Variants in CDH12 observed in about 807,000 individuals in gnomAD.
CDH12 encodes the protein cadherin-12.
In CDH12, 41 loss-of-function variants were observed where a neutral mutation model predicts 74.1. The observed-to-expected ratio is 0.55, with a 90% CI of 0.43 to 0.72. CDH12 has a LOEUF of 0.72. Ranked by LOEUF, CDH12 falls within the 30% of genes least tolerant of loss-of-function variation. The probability of loss-of-function intolerance (pLI) is 0.00; values close to 1 mark genes in which losing one functional copy is unlikely to be tolerated. For synonymous variants in CDH12, 399 were observed against 355.0 expected (o/e 1.12, Z -1.39); for missense variants, 945 against 977.2 (o/e 0.97, Z 0.44).
chr5:22,123,199 G>C (rs373311641), intron 4 of CDH12, among the ~76,000 whole-genome samples: 1 of 152,036 alleles, frequency 6.6e-6, no homozygotes. Flanking sequence ...AGAGAACTTG[G>C]AGATCTCCCT....
At chr5:22,768,627 C>T (rs1374926775) in intron 1 of CDH12, among the ~76,000 whole-genome samples, 1 of 151,924 alleles carries the variant, frequency 6.6e-6, no homozygotes, top group South Asian at 2.1e-4. Flanking sequence ...ATATTCAGTT[C>T]TTTACTCTAT....
At chr5:22,372,255 T>C (rs1741325670) in intron 3 of CDH12, among the ~76,000 whole-genome samples, 1 of 151,958 alleles carries the variant, frequency 6.6e-6, no homozygotes, top group African/African-American at 2.4e-5. Flanking sequence ...GGATAGATCA[T>C]CTAAGAGAGA....
At chr5:21,759,743 C>T (rs969598712) in intron 13 of CDH12, among the ~76,000 whole-genome samples, 12 of 151,770 alleles carry the variant, frequency 7.9e-5, no homozygotes, top group Admixed American at 6.6e-4. Context: ...TAGGTAAACA[C>T]GTGTCATGGG....
chr5:22,561,579 T>C (rs1739050384), intron 1 of CDH12, among the ~76,000 whole-genome samples: 1 of 152,148 alleles, frequency 6.6e-6, no homozygotes, highest in Admixed American at 6.5e-5. Context: ...TTTCACATTA[T>C]AAATGAGGAT....
intron 3 of CDH12, among the ~76,000 whole-genome samples, chr5:22,322,027 A>G (rs934190807): frequency 3.9e-5 from 6 of 152,220 alleles, no homozygotes; most frequent in African/African-American, 1.4e-4. Context: ...ATAAATAGCA[A>G]ATAAATGGAC....
At chr5:21,950,492 A>G (rs1755801302) in intron 6 of CDH12, among the ~76,000 whole-genome samples, 2 of 152,094 alleles carry the variant, frequency 1.3e-5, no homozygotes, top group Non-Finnish European at 2.9e-5. Flanking sequence ...TAAATTGTTA[A>G]ACATAAAAGG....
At chr5:22,180,293 T>C (rs943353670) in intron 4 of CDH12, among the ~76,000 whole-genome samples, 2 of 152,132 alleles carry the variant, frequency 1.3e-5, no homozygotes, top group African/African-American at 4.8e-5. Flanking sequence ...GACTTTGTTA[T>C]CTACTTAGAG....
intron 5 of CDH12, among the ~76,000 whole-genome samples, chr5:21,987,797 T>C (rs1484826704): frequency 1.3e-5 from 2 of 152,180 alleles, no homozygotes; most frequent in Non-Finnish European, 2.9e-5. Context: ...GGGAAAAGCA[T>C]CTGCAGTTTC....
At chr5:22,797,251 C>T (rs540933953) in intron 1 of CDH12, among the ~76,000 whole-genome samples, 2 of 150,560 alleles carry the variant, frequency 1.3e-5, no homozygotes, top group African/African-American at 2.4e-5. Flanking sequence ...GAAGACACAG[C>T]GAGAAGACAA....
chr5:21,912,551 C>T (rs1255814098), intron 6 of CDH12, among the ~76,000 whole-genome samples: 1 of 152,106 alleles, frequency 6.6e-6, no homozygotes, highest in African/African-American at 2.4e-5. Context: ...CAGTCTGCCA[C>T]ACATGAGACA....
chr5:22,779,500 A>C (rs544288971), intron 1 of CDH12, among the ~76,000 whole-genome samples: 1 of 152,236 alleles, frequency 6.6e-6, no homozygotes, highest in Admixed American at 6.5e-5. Flanking sequence ...TTAAAACAAT[A>C]ACCCCAGTTG....
rs1744119269 is a variant in CDH12 at position 21,752,085 on chromosome 5, T to C, written c.2037A>G (p.Arg679=). 2 of 1,614,024 alleles carry C rather than the reference T, an allele frequency of 1.2e-6. No individual in the cohort carries two copies. The highest frequency in any genetic ancestry group is 1.7e-5 in the Admixed American group (1 of 59,972). ...DTQAFDIGAL[R]NPKVIEENKI... ...TGTTCTCCTCAATCACTTTTGGGTTTCTCAGAGCCCCGATGTCGAAAGCCT... is the reference window on the plus strand; with the variant it reads ...TGTTCTCCTCAATCACTTTTGGGTTCCTCAGAGCCCCGATGTCGAAAGCCT... Residue 679 remains arginine, a synonymous_variant, in exon 15 of 15, where the codon AGA becomes AGG. Coordinates refer to ENST00000382254, the MANE Select transcript of CDH12 (RefSeq NM_004061.5).
At chr5:22,249,861 G>A in intron 3 of CDH12, among the ~76,000 whole-genome samples, 1 of 52,706 alleles carries the variant, frequency 1.9e-5, no homozygotes, top group East Asian at 6.1e-4. Flanking sequence ...TATACCTACA[G>A]ATTATTCACT....
chr5:22,134,172 C>T (rs1201633600), intron 4 of CDH12, among the ~76,000 whole-genome samples: 1 of 152,058 alleles, frequency 6.6e-6, no homozygotes, highest in African/African-American at 2.4e-5. Context: ...CTTCAGATTC[C>T]ATGAATGGTA....
At chr5:22,763,760 C>G (rs75173218) in intron 1 of CDH12, among the ~76,000 whole-genome samples, 1 of 151,864 alleles carries the variant, frequency 6.6e-6, no homozygotes, top group African/African-American at 2.4e-5. Flanking sequence ...CATCTTCATT[C>G]TAAGCACTGA....
At chr5:22,050,011 T>C (rs912926877) in intron 5 of CDH12, among the ~76,000 whole-genome samples, 2 of 152,174 alleles carry the variant, frequency 1.3e-5, no homozygotes, top group African/African-American at 4.8e-5. Context: ...CACAGAATTT[T>C]GCTCATGAGC....
At chr5:21,824,776 G>A (rs1391960024) in intron 8 of CDH12, among the ~76,000 whole-genome samples, 1 of 152,076 alleles carries the variant, frequency 6.6e-6, no homozygotes, top group Non-Finnish European at 1.5e-5. Context: ...AGTAGACAGG[G>A]ACTACACATG....
At chr5:22,521,519 A>G (rs934797470) in intron 1 of CDH12, among the ~76,000 whole-genome samples, 4 of 152,198 alleles carry the variant, frequency 2.6e-5, no homozygotes, top group Non-Finnish European at 5.9e-5. Flanking sequence ...TACATATTCT[A>G]TACCATGCTA....
chr5:21,894,176 C>T (rs1043494332), intron 6 of CDH12, among the ~76,000 whole-genome samples: 5 of 151,904 alleles, frequency 3.3e-5, no homozygotes, highest in African/African-American at 1.2e-4. Flanking sequence ...GTCAGCAGTT[C>T]GAGACCAGTC....
Sources: gnomAD v4.1 joint callset for allele counts (sites outside exome capture counted in the v4.1 genomes callset) on GRCh38, gnomAD v4.1.1 for gene constraint, MANE v1.5 for transcripts, NCBI Gene and HGNC (gene_info 2026-07-23, HGNC 2026-07-21) for gene names.